Variants in FBXL19 observed in about 807,000 individuals in gnomAD.
The protein encoded by FBXL19 is F-box/LRR-repeat protein 19.
FBXL19 carries 16 observed loss-of-function variants against 71.2 expected under a neutral mutation model. The observed-to-expected ratio is 0.22, with a 90% CI of 0.15 to 0.34. FBXL19 has a LOEUF of 0.34. FBXL19 is among the 10% of genes least tolerant of loss of function. FBXL19 has a pLI of 1.00. For missense variants in FBXL19, 658 were observed against 968.2 expected, an observed-to-expected ratio of 0.68 and a Z score of 4.25; for synonymous variants, 447 against 409.4, an observed-to-expected ratio of 1.09 and a Z score of -1.11.
chr16:30,925,897 T>C lies in FBXL19; in HGVS notation c.143T>C (p.Met48Thr). Reference sequence around the variant, plus strand: ...AAGAAGTTCGGGGGGCCCGGGCGCATGAAGCAGTCGTGCCTGCTCCGGCAG... The same window carrying C: ...AAGAAGTTCGGGGGGCCCGGGCGCACGAAGCAGTCGTGCCTGCTCCGGCAG... ...DMKKFGGPGR[M>T]KQSCLLRQCT... is the part of the protein sequence containing the mutation. The change falls in exon 2 of 11, where the codon ATG (methionine) becomes ACG (threonine). Residue 48 changes from methionine (M) to threonine (T), a missense_variant. Around this residue, in one of 8 missense-constraint regions of FBXL19, gnomAD observed 33 missense variants for 75.4 expected, o/e 0.44. Transcript: ENST00000338343. The surrounding 1 kb of genome is among the most constrained non-coding windows in gnomAD (Gnocchi z 5.0). 1 of 1,502,352 alleles carries C rather than the reference T, an allele frequency of 6.7e-7. No homozygotes were observed. Among genetic ancestry groups the C allele is most frequent in the Admixed American group, 2.4e-5 (1 of 41,504 alleles). The allele number at this position is 1,502,352 out of a possible 1,614,324, so 93.1% of individuals were successfully genotyped here.
rs1231868281 is a variant in FBXL19 at position 30,930,842 on chromosome 16, A to G, written c.1301+258A>G. Among the ~76,000 whole-genome samples, 3 of 152,172 alleles carry G rather than the reference A, an allele frequency of 2.0e-5. No individual in the cohort carries two copies. Among genetic ancestry groups the G allele is most frequent in the African/African-American group, 7.2e-5 (3 of 41,436 alleles). ...TCAGATGAAGCTGAGGCCCAAGGTCATGTGGAAGAGAAGTGGTGGTAGAAC... is the reference window on the plus strand; with the variant it reads ...TCAGATGAAGCTGAGGCCCAAGGTCGTGTGGAAGAGAAGTGGTGGTAGAAC... On this transcript the variant is annotated intron_variant, in intron 7 of 10. Transcript: ENST00000338343. The surrounding 1 kb of genome is among the most constrained non-coding windows in gnomAD (Gnocchi z 8.5).
intron 5 of FBXL19, among the ~76,000 whole-genome samples, 168 bp downstream of exon 5, chr16:30,928,131 C>T (rs755076060): frequency 7.4e-6 from 1 of 135,392 alleles, no homozygotes; most frequent in Non-Finnish European, 1.6e-5. Flanking sequence ...AGAGCATGCT[C>T]AGTGTGGAGG....
chr16:30,924,601 T>C (rs1484816388), intron 1 of FBXL19, 142 bp downstream of exon 1: 4 of 1,362,910 alleles, frequency 2.9e-6, no homozygotes, highest in Non-Finnish European at 2.8e-6. Flanking sequence ...CTCCTTCCTA[T>C]GACCTCTCCA....
Position 30,947,296 on chromosome 16 carries a change from G to C in FBXL19, c.*66G>C. On this transcript the variant is annotated 3_prime_UTR_variant, in exon 11 of 11. Coordinates refer to ENST00000338343, the MANE Select transcript of FBXL19 (RefSeq NM_001382779.1). ...GGACCTCCGGCTTCATTTCACCCCT[G>C]CTGGGAGGCCAGGTTCCCACCTCAC... 1 of 1,359,012 alleles carries C rather than the reference G, an allele frequency of 7.4e-7. No homozygotes were observed. The highest frequency in any genetic ancestry group is 9.8e-7 in the Non-Finnish European group (1 of 1,020,324). The allele number at this position is 1,359,012 out of a possible 1,614,324, so 84.2% of individuals were successfully genotyped here. A position where few individuals can be genotyped will look rare whatever the true frequency, so the allele number is the denominator to read the frequency against.
At position 30,945,080 on chromosome 16, in the gene FBXL19, T is replaced by G. The variant is rs549134264; in HGVS notation, c.1628-1650T>G. Among the ~76,000 whole-genome samples, 6 of 152,292 alleles carry G rather than the reference T, an allele frequency of 3.9e-5. No homozygotes were observed. The East Asian group carries it at 1.2e-3, about 29-fold the overall frequency. On this transcript the variant is annotated intron_variant, in intron 9 of 10. Transcript: ENST00000338343. ...TTATAAAAATGTCCTTTTTGTAGTG[T>G]TAGTCATTAAGGAAGTTTTTAGCAT...
Position 30,947,831 on chromosome 16 carries a change from G to GCTTCCCCCCTCCCCAGGCTTCAGTTC in FBXL19, c.*610_*635dup, listed in dbSNP as rs1420201259. On this transcript the variant is annotated 3_prime_UTR_variant, in exon 11 of 11. Transcript: ENST00000338343. Reference sequence around the variant, plus strand: ...ATACCCCCTTGGGGGTCACCTCTCTGCTTCCCCCCTCCCCAGGCTTCAGTT... The same window carrying GCTTCCCCCCTCCCCAGGCTTCAGTTC: ...ATACCCCCTTGGGGGTCACCTCTCTGCTTCCCCCCTCCCCAGGCTTCAGTTCCTTCCCCCCTCCCCAGGCTTCAGTT... 3 of 448,464 alleles carry GCTTCCCCCCTCCCCAGGCTTCAGTTC rather than the reference G, an allele frequency of 6.7e-6. No individual in the cohort carries two copies. Among genetic ancestry groups the GCTTCCCCCCTCCCCAGGCTTCAGTTC allele is most frequent in the Non-Finnish European group, 1.3e-5 (3 of 223,248 alleles). The allele number at this position is 448,464 out of a possible 1,614,324, so 27.8% of individuals were successfully genotyped here. A position where few individuals can be genotyped will look rare whatever the true frequency, so the allele number is the denominator to read the frequency against.
chr16:30,943,123 G>A (rs1261841330), intron 9 of FBXL19, among the ~76,000 whole-genome samples: 3 of 152,252 alleles, frequency 2.0e-5, no homozygotes, highest in Admixed American at 1.3e-4. Context: ...ATCAGGATGG[G>A]AGAGGTCTAG....
chr16:30,925,311 C>A lies in FBXL19; in HGVS notation c.-24-420C>A, dbSNP rs1012440190. Among the ~76,000 whole-genome samples the A allele has an allele frequency of 4.6e-5, 7 of 152,126 alleles. No individual in the cohort carries two copies. The East Asian group carries it at 1.4e-3, about 29-fold the overall frequency. On this transcript the variant is annotated intron_variant, in intron 1 of 10. Coordinates refer to ENST00000338343, the MANE Select transcript of FBXL19 (RefSeq NM_001382779.1). This position sits in a 1 kb window ranked among gnomAD's most constrained non-coding sequence, Gnocchi z 5.0. ...GGAGGTGAATCTGGGCAGTTTACCC[C>A]AGATTGAGGTTGGGGAGAGCCTGGG...
intron 7 of FBXL19, among the ~76,000 whole-genome samples, chr16:30,937,716 A>G (rs1176407024): frequency 6.6e-6 from 1 of 152,148 alleles, no homozygotes; most frequent in Non-Finnish European, 1.5e-5. Context: ...ATGTGCCACA[A>G]CGTGTTGGCA....
intron 3 of FBXL19, 59 bp from the exon 4 acceptor site, chr16:30,927,514 G>T: frequency 6.4e-7 from 1 of 1,558,508 alleles, no homozygotes; most frequent in Non-Finnish European, 8.7e-7. Context: ...GAGAGTGGGG[G>T]ATCACCCTGG....
chr16:30,928,562 C>A lies in FBXL19; in HGVS notation c.723C>A (p.Pro241=). 1 of 1,608,162 alleles carries A rather than the reference C, an allele frequency of 6.2e-7. No homozygotes were observed. The highest frequency in any genetic ancestry group is 1.1e-5 in the South Asian group (1 of 90,264). The change falls in exon 6 of 11, where the codon CCC becomes CCA. Residue 241 remains proline (P), a synonymous_variant. Transcript: ENST00000338343. ...SDPGGPGLLP[P]RVLNPSQAFS... is the part of the protein sequence containing the mutation. ...CAGGCGGCCCGGGCCTGCTGCCCCCCAGGGTTCTGAATCCGAGCCAGGCTT... is the reference window on the plus strand; with the variant it reads ...CAGGCGGCCCGGGCCTGCTGCCCCCAAGGGTTCTGAATCCGAGCCAGGCTT...
rs1253307393 is a variant in FBXL19 at position 30,925,759 on chromosome 16, C to T, written c.5C>T (p.Ser2Leu). 3 of 1,483,698 alleles carry T rather than the reference C, an allele frequency of 2.0e-6. No individual in the cohort carries two copies. Among genetic ancestry groups the T allele is most frequent in the South Asian group, 1.3e-5 (1 of 74,918 alleles). 91.9% of individuals were successfully genotyped at this position (1,483,698 alleles called of 1,614,324 possible). A position where few individuals can be genotyped will look rare whatever the true frequency, so the allele number is the denominator to read the frequency against. ...TCGGCGTTGCTGACGCCCCCAATGT[C>T]GTCGAGCAGCCGGGGGCCGGGGGCC... is the stretch of plus-strand genomic sequence containing the variant. M[S>L]SSSRGPGAGA... The change falls in exon 2 of 11, where the codon TCG becomes TTG. Residue 2 changes from serine to leucine, a missense_variant. This residue lies in a region of FBXL19 where 25 missense variants were observed against 19.3 expected (regional missense o/e 1.30). Coordinates refer to ENST00000338343, the MANE Select transcript of FBXL19 (RefSeq NM_001382779.1). The surrounding 1 kb of genome is among the most constrained non-coding windows in gnomAD (Gnocchi z 5.0).
At chr16:30,928,820 C>T (rs2055635873) in intron 6 of FBXL19, among the ~76,000 whole-genome samples, 192 bp downstream of exon 6, 1 of 152,168 alleles carries the variant, frequency 6.6e-6, no homozygotes, top group Non-Finnish European at 1.5e-5. Flanking sequence ...CCCCTGACTT[C>T]CCAAAAACCC....
chr16:30,933,328 G>A (rs540377620), intron 7 of FBXL19, among the ~76,000 whole-genome samples: 1 of 151,002 alleles, frequency 6.6e-6, no homozygotes, highest in African/African-American at 2.4e-5. Context: ...TAGTAGAGAC[G>A]GGGTTTTGCC....
chr16:30,947,834 T>C lies in FBXL19; in HGVS notation c.*604T>C. Reference sequence around the variant, plus strand: ...CCCCCTTGGGGGTCACCTCTCTGCTTCCCCCCTCCCCAGGCTTCAGTTCCT... The same window carrying C: ...CCCCCTTGGGGGTCACCTCTCTGCTCCCCCCCTCCCCAGGCTTCAGTTCCT... On this transcript the variant is annotated 3_prime_UTR_variant, in exon 11 of 11. Transcript: ENST00000338343. The C allele has an allele frequency of 2.2e-6, 1 of 447,290 alleles. No homozygotes were observed. Among genetic ancestry groups the C allele is most frequent in the Admixed American group, 2.4e-5 (1 of 41,288 alleles). 27.7% of individuals were successfully genotyped at this position (447,290 alleles called of 1,614,324 possible).
At chr16:30,931,466 C>T (rs1448026703) in intron 7 of FBXL19, among the ~76,000 whole-genome samples, 1 of 152,178 alleles carries the variant, frequency 6.6e-6, no homozygotes, top group Non-Finnish European at 1.5e-5. Context: ...CAGGCTCTTT[C>T]CCAGGGACTC....
At chr16:30,928,830 C>G (rs1159570556) in intron 6 of FBXL19, among the ~76,000 whole-genome samples, 1 of 152,182 alleles carries the variant, frequency 6.6e-6, no homozygotes, top group Non-Finnish European at 1.5e-5. Flanking sequence ...CCCAAAAACC[C>G]TTAGGGCTCA....
chr16:30,922,958 C>T (rs778158319), upstream of FBXL19: 61 of 428,892 alleles, frequency 1.4e-4, no homozygotes, highest in Non-Finnish European at 1.7e-4. Context: ...CCTCCTGGTT[C>T]CGCCATTCTT....
At chr16:30,940,891 G>A (rs2055795399) in intron 7 of FBXL19, among the ~76,000 whole-genome samples, 1 of 152,046 alleles carries the variant, frequency 6.6e-6, no homozygotes. Context: ...GGCTGTTCTC[G>A]AATTCCTGAC....
Sources: allele counts gnomAD v4.1 joint callset (sites outside exome capture counted in the v4.1 genomes callset), GRCh38; gene constraint gnomAD v4.1.1; regional missense constraint gnomAD v4.1.1; non-coding constraint Gnocchi (gnomAD v3.1); transcripts MANE v1.5; gene names NCBI Gene and HGNC (gene_info 2026-07-23, HGNC 2026-07-21).